GNAL: variants seen among roughly 807,000 people sequenced by gnomAD.
The protein encoded by GNAL is G protein subunit alpha L, also known as guanine nucleotide-binding protein G(olf) subunit alpha.
Under a neutral mutation model 55.1 loss-of-function variants are expected in GNAL, and 18 were observed. The ratio of observed to expected loss-of-function variants is 0.33; its 90% CI spans 0.23 to 0.48. The LOEUF is 0.48. Among genes scored for constraint, GNAL ranks in the 20% least tolerant of loss-of-function variants. The pLI is 0.99. For synonymous variants in GNAL, 253 were observed against 237.0 expected, an observed-to-expected ratio of 1.07 and a Z score of -0.62; for missense variants, 412 against 614.1, an observed-to-expected ratio of 0.67 and a Z score of 3.48.
chr18:11,730,696 G>A (rs1311798923), intron 1 of GNAL, among the ~76,000 whole-genome samples: 1 of 151,992 alleles, frequency 6.6e-6, no homozygotes, highest in Non-Finnish European at 1.5e-5. Flanking sequence ...CACAGGAGGT[G>A]GAGGTTACAG....
intron 4 of GNAL, among the ~76,000 whole-genome samples, chr18:11,820,429 T>C (rs927381403): frequency 6.6e-6 from 1 of 152,246 alleles, no homozygotes; most frequent in Non-Finnish European, 1.5e-5. Flanking sequence ...TTATGTATTT[T>C]TTAGTTGAGA....
Position 11,815,840 on chromosome 18 carries a change from TAAG to T in GNAL, c.625-9075_625-9073del, listed in dbSNP as rs1210528295. The stretch of plus-strand genomic sequence containing the variant: ...CTTTTATTTTTAAAAAACTCAATAA[TAAG>T]AAAACAATTGTTGAGCCAACAGTTT... On this transcript the variant is annotated intron_variant, in intron 4 of 11. Coordinates refer to ENST00000334049, the MANE Select transcript of GNAL (RefSeq NM_182978.4). Among the ~76,000 whole-genome samples, 5 of 152,242 alleles carry T rather than the reference TAAG, an allele frequency of 3.3e-5. No homozygotes were observed. In the East Asian group the frequency reaches 5.8e-4, roughly 18 times the overall value.
intron 1 of GNAL, among the ~76,000 whole-genome samples, chr18:11,692,086 G>C (rs1245240416): frequency 6.6e-6 from 1 of 152,084 alleles, no homozygotes; most frequent in African/African-American, 2.4e-5. Flanking sequence ...TAATAATTGG[G>C]CTTTTGATCG....
intron 1 of GNAL, among the ~76,000 whole-genome samples, chr18:11,731,954 T>C (rs1483288056): frequency 6.6e-6 from 1 of 152,254 alleles, no homozygotes; most frequent in Non-Finnish European, 1.5e-5. Context: ...ATGTGGTCTT[T>C]TGTGACTAGC....
chr18:11,745,397 A>C (rs1427728541), intron 1 of GNAL, among the ~76,000 whole-genome samples: 1 of 152,202 alleles, frequency 6.6e-6, no homozygotes, highest in South Asian at 2.1e-4. Context: ...GCCATCTTCA[A>C]TCCGAAAGAC....
chr18:11,851,335 G>T lies in GNAL; in HGVS notation c.723-11060G>T, dbSNP rs1030070620. ...CACAGGCCCCACCCCGGCGCCTTCC[G>T]TCCCGCAGGCTCCGCCTTTGGCGCT... On this transcript the variant is annotated intron_variant, in intron 5 of 11. Transcript: ENST00000334049. 28 of 806,628 alleles carry T rather than the reference G, an allele frequency of 3.5e-5. No homozygotes were observed. In the African/African-American group the frequency reaches 4.0e-4, roughly 11 times the overall value. 50.0% of individuals were successfully genotyped at this position (806,628 alleles called of 1,614,324 possible).
At chr18:11,858,116 C>A (rs1412391214) in intron 5 of GNAL, among the ~76,000 whole-genome samples, 1 of 152,030 alleles carries the variant, frequency 6.6e-6, no homozygotes, top group Non-Finnish European at 1.5e-5. Flanking sequence ...AATTCCATGG[C>A]CATAAGAATT....
chr18:11,720,508 C>A (rs915182487), intron 1 of GNAL, among the ~76,000 whole-genome samples: 9 of 152,228 alleles, frequency 5.9e-5, no homozygotes, highest in Non-Finnish European at 1.0e-4. Flanking sequence ...TCTTTTCACT[C>A]AGACAGATAC....
chr18:11,841,622 G>A (rs2035615211), intron 5 of GNAL, among the ~76,000 whole-genome samples: 1 of 147,872 alleles, frequency 6.8e-6, no homozygotes. Context: ...TTCAGCCTGG[G>A]CAACAGAGTA....
chr18:11,848,620 C>A (rs2035789470), intron 5 of GNAL, among the ~76,000 whole-genome samples: 1 of 151,932 alleles, frequency 6.6e-6, no homozygotes. Flanking sequence ...CCACACCCAG[C>A]TAATTTTTGT....
intron 4 of GNAL, among the ~76,000 whole-genome samples, chr18:11,757,620 ACT>A (rs1308945148): frequency 1.3e-5 from 2 of 151,976 alleles, no homozygotes; most frequent in Admixed American, 6.5e-5. Flanking sequence ...ATCAAGAATG[ACT>A]CTGAGCGTTT....
chr18:11,784,323 C>T (rs1297816455), intron 4 of GNAL, among the ~76,000 whole-genome samples: 1 of 152,232 alleles, frequency 6.6e-6, no homozygotes, highest in East Asian at 1.9e-4. Flanking sequence ...TGTCATCCAC[C>T]ATGGCCTCAG....
At chr18:11,765,256 A>C (rs530525433) in intron 4 of GNAL, among the ~76,000 whole-genome samples, 5 of 152,338 alleles carry the variant, frequency 3.3e-5, no homozygotes, top group Admixed American at 3.3e-4. Flanking sequence ...AAAGTAATTA[A>C]GGCAACTTTT....
Position 11,752,254 on chromosome 18 carries a change from G to T in GNAL, c.377-599G>T. ...TACAGCCATTTAGTTGGGAGTTTGC[G>T]GTGGGCAGGGGGAGGGAGAAGAAAC... is the stretch of plus-strand genomic sequence containing the variant. On this transcript the variant is annotated intron_variant, in intron 1 of 11. Coordinates refer to ENST00000334049, the MANE Select transcript of GNAL (RefSeq NM_182978.4). The surrounding 1 kb of genome is among the most constrained non-coding windows in gnomAD (Gnocchi z 4.5). 1 of 1,308,852 alleles carries T rather than the reference G, an allele frequency of 7.6e-7. No individual in the cohort carries two copies. The allele number at this position is 1,308,852 out of a possible 1,614,324, so 81.1% of individuals were successfully genotyped here.
intron 4 of GNAL, among the ~76,000 whole-genome samples, chr18:11,788,914 A>AAAAAATATATAT (rs60071996): frequency 2.2e-3 from 123 of 56,286 alleles, no homozygotes; most frequent in African/African-American, 3.2e-3. Context: ...AAAAAAAAAA[A>AAAAAATATATAT]ATATATATAT....
At chr18:11,802,750 T>A (rs1305301906) in intron 4 of GNAL, among the ~76,000 whole-genome samples, 2 of 151,976 alleles carry the variant, frequency 1.3e-5, no homozygotes, top group Non-Finnish European at 2.9e-5. Context: ...GGCTGATGCG[T>A]GGGTGGGAAA....
At chr18:11,713,766 C>T (rs992645682) in intron 1 of GNAL, among the ~76,000 whole-genome samples, 2 of 152,244 alleles carry the variant, frequency 1.3e-5, no homozygotes, top group Non-Finnish European at 2.9e-5. Flanking sequence ...TACCTCTGGC[C>T]GGTCACTGAG....
At chr18:11,748,612 G>A (rs1230983888) in intron 1 of GNAL, among the ~76,000 whole-genome samples, 1 of 152,002 alleles carries the variant, frequency 6.6e-6, no homozygotes, top group African/African-American at 2.4e-5. Flanking sequence ...CTGAACAAGT[G>A]GAAATCTTTT....
chr18:11,754,339 C>T (rs770370964), intron 4 of GNAL, among the ~76,000 whole-genome samples: 4 of 151,234 alleles, frequency 2.6e-5, no homozygotes, highest in Non-Finnish European at 4.4e-5. Context: ...ATTGCTTGAT[C>T]GAGGGAGGTG....
Sources: allele counts gnomAD v4.1 joint callset (sites outside exome capture counted in the v4.1 genomes callset), GRCh38; gene constraint gnomAD v4.1.1; non-coding constraint Gnocchi (gnomAD v3.1); transcripts MANE v1.5; gene names NCBI Gene and HGNC (gene_info 2026-07-23, HGNC 2026-07-21).